LRRC7: variants seen among roughly 807,000 people sequenced by gnomAD.
LRRC7 encodes leucine rich repeat containing 7.
A neutral mutation model predicts 175.7 loss-of-function variants in LRRC7; 23 were observed. That is an observed-to-expected ratio of 0.13 (90% CI 0.09 to 0.19). The LOEUF (loss-of-function observed/expected upper bound fraction) is 0.19, where lower values mean the gene tolerates loss of function less well. LRRC7 is among the 10% of genes least tolerant of loss of function. LRRC7 has a pLI of 1.00. For synonymous variants in LRRC7, 685 were observed against 680.9 expected (o/e 1.01, Z -0.09); for missense variants, 1,354 against 1,904.7 (o/e 0.71, Z 5.38).
chr1:70,126,617 TACCCAAAGA>T lies in LRRC7; in HGVS notation c.*4732_*4740del, dbSNP rs1666465876. Reference sequence around the variant, plus strand: ...TATTTCCCATCACCCACCAACACCATACCCAAAGAATACATTATAGCAAGAAAACAGAAT... The same window carrying T: ...TATTTCCCATCACCCACCAACACCATATACATTATAGCAAGAAAACAGAAT... On this transcript the variant is annotated 3_prime_UTR_variant, in exon 27 of 27. Transcript: ENST00000651989. Among the ~76,000 whole-genome samples the T allele has an allele frequency of 2.0e-5, 3 of 152,068 alleles. No homozygotes were observed. The highest frequency in any genetic ancestry group is 6.6e-5 in the Admixed American group (1 of 15,260).
intron 2 of LRRC7, among the ~76,000 whole-genome samples, chr1:69,742,711 A>G (rs1391610935): frequency 6.6e-6 from 1 of 151,998 alleles, no homozygotes; most frequent in Non-Finnish European, 1.5e-5. Flanking sequence ...TTTCACAGAG[A>G]TATACCATAG....
intron 1 of LRRC7, among the ~76,000 whole-genome samples, chr1:69,619,715 A>G (rs1308824777): frequency 6.6e-6 from 1 of 152,174 alleles, no homozygotes; most frequent in Non-Finnish European, 1.5e-5. Context: ...AATTTTGGAA[A>G]ACTTTTATCG....
chr1:70,090,527 T>C (rs2102169643), intron 25 of LRRC7, among the ~76,000 whole-genome samples: 2 of 152,142 alleles, frequency 1.3e-5, no homozygotes, highest in Middle Eastern at 6.8e-3. Context: ...TTTTTAAATG[T>C]TTACCTGGAG....
intron 7 of LRRC7, chr1:69,920,190 C>T: frequency 5.9e-6 from 1 of 170,278 alleles, no homozygotes; most frequent in African/African-American, 2.4e-5. Flanking sequence ...ATGCGAGGGC[C>T]CAGAGTTGTT....
At chr1:69,897,542 A>G (rs1038134735) in intron 7 of LRRC7, among the ~76,000 whole-genome samples, 28 of 152,060 alleles carry the variant, frequency 1.8e-4, no homozygotes, top group African/African-American at 6.5e-4. Context: ...TTTTGACTTT[A>G]CTCCTATCTC....
rs1223110923 is a variant in LRRC7 at position 70,015,058 on chromosome 1, T to G, written c.1251-1407T>G. On this transcript the variant is annotated intron_variant, in intron 13 of 26. Coordinates refer to ENST00000651989, the MANE Select transcript of LRRC7 (RefSeq NM_001370785.2). ...AAAAACTCTCCCAATAAGATCTTAC[T>G]TCACAATTTCTGGCTTAAGTGAATT... 4.6e-5 allele frequency among the ~76,000 whole-genome samples: 7 copies of G among 152,202 alleles called. No homozygotes were observed. The South Asian group carries it at 1.4e-3, about 32-fold the overall frequency.
intron 1 of LRRC7, among the ~76,000 whole-genome samples, chr1:69,637,147 T>A (rs1489584916): frequency 1.3e-5 from 2 of 151,608 alleles, no homozygotes; most frequent in African/African-American, 4.8e-5. Context: ...GTGGGTTAAC[T>A]AAACACCTAG....
chr1:70,100,689 T>C (rs1558069150), intron 25 of LRRC7, among the ~76,000 whole-genome samples: 1 of 152,108 alleles, frequency 6.6e-6, no homozygotes, highest in Non-Finnish European at 1.5e-5. Context: ...ATCTCTTCCT[T>C]AAATTTTCTG....
At chr1:69,786,452 C>A (rs1674436534) in intron 3 of LRRC7, among the ~76,000 whole-genome samples, 1 of 150,364 alleles carries the variant, frequency 6.7e-6, no homozygotes, top group Non-Finnish European at 1.5e-5. Context: ...TCTTCTTTTT[C>A]ATCCCTCTTA....
intron 25 of LRRC7, among the ~76,000 whole-genome samples, chr1:70,099,924 C>A (rs889105966): frequency 2.0e-5 from 3 of 152,100 alleles, no homozygotes; most frequent in African/African-American, 2.4e-5. Context: ...GTAAATATTT[C>A]TTTTATTTTT....
intron 24 of LRRC7, among the ~76,000 whole-genome samples, chr1:70,077,327 C>A (rs539525910): frequency 7.2e-5 from 11 of 152,280 alleles, no homozygotes; most frequent in East Asian, 1.9e-4. Flanking sequence ...TCTCCCTCTC[C>A]TGCCTTAGTC....
intron 1 of LRRC7, among the ~76,000 whole-genome samples, chr1:69,572,763 T>C (rs1645788528): frequency 6.6e-6 from 1 of 152,094 alleles, no homozygotes; most frequent in Non-Finnish European, 1.5e-5. Context: ...CTGCAGGACA[T>C]ACCAAAGAAG....
At chr1:69,727,956 A>G (rs1436952432) in intron 2 of LRRC7, among the ~76,000 whole-genome samples, 1 of 152,156 alleles carries the variant, frequency 6.6e-6, no homozygotes, top group African/African-American at 2.4e-5. Flanking sequence ...ATCAACATGA[A>G]CTTATATCCT....
At chr1:69,880,794 C>T (rs936579372) in intron 7 of LRRC7, among the ~76,000 whole-genome samples, 2 of 152,072 alleles carry the variant, frequency 1.3e-5, no homozygotes, top group African/African-American at 2.4e-5. Flanking sequence ...ACAAAAACTG[C>T]TTCTAGGTTG....
At chr1:69,568,707 C>T in intron 1 of LRRC7, 66 bp downstream of exon 1, 1 of 1,247,864 alleles carries the variant, frequency 8.0e-7, no homozygotes, top group Non-Finnish European at 1.0e-6. Flanking sequence ...CGACCGTAGG[C>T]GCGCGAGGTG....
chr1:69,688,757 A>G (rs1018408491), intron 2 of LRRC7, among the ~76,000 whole-genome samples: 20 of 151,944 alleles, frequency 1.3e-4, no homozygotes, highest in African/African-American at 4.6e-4. Context: ...GGAGAATGCT[A>G]TGTACTCATT....
chr1:69,811,172 C>T (rs1040449870), intron 4 of LRRC7, among the ~76,000 whole-genome samples: 2 of 152,134 alleles, frequency 1.3e-5, no homozygotes, highest in Non-Finnish European at 2.9e-5. Flanking sequence ...TGAAAAAAAG[C>T]TCATCATCAC....
intron 11 of LRRC7, among the ~76,000 whole-genome samples, chr1:70,007,383 A>C (rs1361959285): frequency 6.6e-6 from 1 of 152,238 alleles, no homozygotes; most frequent in Non-Finnish European, 1.5e-5. Context: ...GAAACTGTGC[A>C]AAACAGTCTT....
chr1:69,645,593 C>T (rs1454479073), intron 1 of LRRC7, among the ~76,000 whole-genome samples: 1 of 152,014 alleles, frequency 6.6e-6, no homozygotes, highest in African/African-American at 2.4e-5. Context: ...CTGGGTAATT[C>T]TTCAGGATCA....
Sources: allele counts gnomAD v4.1 joint callset (sites outside exome capture counted in the v4.1 genomes callset), GRCh38; gene constraint gnomAD v4.1.1; transcripts MANE v1.5; gene names NCBI Gene and HGNC (gene_info 2026-07-23, HGNC 2026-07-21).